Variants in SLC30A8 observed in about 807,000 individuals in gnomAD.
The protein encoded by SLC30A8 is proton-coupled zinc antiporter SLC30A8.
A neutral mutation model predicts 36.9 loss-of-function variants in SLC30A8; 27 were observed. The ratio of observed to expected loss-of-function variants is 0.73; its 90% CI spans 0.54 to 1.01. The LOEUF (loss-of-function observed/expected upper bound fraction) is 1.01, where lower values mean the gene tolerates loss of function less well. Ranked by LOEUF, SLC30A8 falls within the 50% of genes least tolerant of loss-of-function variation. The probability of loss-of-function intolerance (pLI) is 0.00; values close to 1 mark genes in which losing one functional copy is unlikely to be tolerated. For synonymous variants in SLC30A8, 164 were observed against 172.4 expected (o/e 0.95, Z 0.38); for missense variants, 439 against 452.0 (o/e 0.97, Z 0.26).
chr8:117,036,804 A>G (rs1457381524), intron 1 of SLC30A8, among the ~76,000 whole-genome samples: 1 of 152,174 alleles, frequency 6.6e-6, no homozygotes, highest in Non-Finnish European at 1.5e-5. Context: ...CACAGAGCCA[A>G]ACCATATCAC....
At chr8:117,041,229 G>A (rs1817378524) in intron 2 of SLC30A8, among the ~76,000 whole-genome samples, 1 of 152,192 alleles carries the variant, frequency 6.6e-6, no homozygotes, top group Non-Finnish European at 1.5e-5. Context: ...GGCAGCAGAA[G>A]GAATTTTTAG....
At chr8:116,955,541 C>T (rs1814162707) in intron 1 of SLC30A8, among the ~76,000 whole-genome samples, 2 of 151,892 alleles carry the variant, frequency 1.3e-5, no homozygotes, top group African/African-American at 4.8e-5. Flanking sequence ...ACCAGTCTGA[C>T]CAATGGGGTG....
intron 2 of SLC30A8, among the ~76,000 whole-genome samples, chr8:117,104,410 A>T (rs1819879618): frequency 3.9e-5 from 6 of 152,188 alleles, no homozygotes; most frequent in Admixed American, 3.9e-4. Flanking sequence ...TCTAACAAGG[A>T]TCACCTTTCC....
chr8:116,979,389 A>G (rs1478659128), intron 1 of SLC30A8, among the ~76,000 whole-genome samples: 1 of 152,204 alleles, frequency 6.6e-6, no homozygotes, highest in Non-Finnish European at 1.5e-5. Flanking sequence ...GAGAAGGGAT[A>G]GAGACTAAAT....
chr8:117,057,991 A>G (rs1034601526), intron 2 of SLC30A8, among the ~76,000 whole-genome samples: 1 of 152,140 alleles, frequency 6.6e-6, no homozygotes, highest in African/African-American at 2.4e-5. Context: ...GGCTATGCCA[A>G]TCTATGCTCC....
intron 2 of SLC30A8, among the ~76,000 whole-genome samples, chr8:117,112,524 G>A (rs533133334): frequency 3.9e-5 from 6 of 152,220 alleles, no homozygotes; most frequent in Admixed American, 6.5e-5. Flanking sequence ...AGAAAGCCCC[G>A]GCTCTAATTT....
chr8:116,961,724 A>G (rs1369474589), intron 1 of SLC30A8, among the ~76,000 whole-genome samples: 3 of 151,970 alleles, frequency 2.0e-5, no homozygotes, highest in African/African-American at 7.2e-5. Context: ...GGAGGGGAAG[A>G]ATGCTATGTC....
chr8:117,094,477 G>A (rs921965007), intron 2 of SLC30A8, among the ~76,000 whole-genome samples: 2 of 152,200 alleles, frequency 1.3e-5, no homozygotes, highest in African/African-American at 4.8e-5. Context: ...CAGGCAGTGT[G>A]TCCTGATGAG....
At chr8:116,986,127 A>C (rs1311425814) in intron 1 of SLC30A8, among the ~76,000 whole-genome samples, 1 of 152,172 alleles carries the variant, frequency 6.6e-6, no homozygotes, top group Admixed American at 6.6e-5. Context: ...GTGGTTATTG[A>C]ATGAGGGAAG....
At chr8:117,013,581 T>C (rs570364817) in intron 1 of SLC30A8, among the ~76,000 whole-genome samples, 1 of 152,292 alleles carries the variant, frequency 6.6e-6, no homozygotes, top group African/African-American at 2.4e-5. Context: ...CCACAATGTG[T>C]CAGGTATATT....
At chr8:117,144,681 TAAC>T (rs1390345398) in intron 1 of SLC30A8, among the ~76,000 whole-genome samples, 1 of 152,160 alleles carries the variant, frequency 6.6e-6, no homozygotes, top group Non-Finnish European at 1.5e-5. Flanking sequence ...GAGAAAATAT[TAAC>T]AATATTGATA....
intron 2 of SLC30A8, among the ~76,000 whole-genome samples, chr8:117,042,731 A>T (rs1390684987): frequency 4.0e-5 from 6 of 151,352 alleles, no homozygotes; most frequent in Non-Finnish European, 7.4e-5. Context: ...GCTGGAGTGC[A>T]GTGGCATGAT....
intron 2 of SLC30A8, chr8:117,128,580 T>C (rs2130917656): frequency 6.6e-6 from 1 of 152,126 alleles, no homozygotes; most frequent in East Asian, 1.9e-4. Flanking sequence ...GAAGACTTGC[T>C]GCCCACTGTC....
chr8:117,161,618 A>G (rs1822792562), intron 4 of SLC30A8, 120 bp from the exon 5 acceptor site: 5 of 928,084 alleles, frequency 5.4e-6, no homozygotes, highest in Middle Eastern at 2.2e-4. Flanking sequence ...TTTTTAAAGC[A>G]TAAATATTTC....
chr8:117,071,841 A>G (rs1818339596), intron 2 of SLC30A8, among the ~76,000 whole-genome samples: 1 of 152,084 alleles, frequency 6.6e-6, no homozygotes, highest in Non-Finnish European at 1.5e-5. Flanking sequence ...ATTTTAATAA[A>G]CATGCTAGTT....
chr8:116,960,915 A>G (rs1193707606), intron 1 of SLC30A8, among the ~76,000 whole-genome samples: 2 of 152,104 alleles, frequency 1.3e-5, no homozygotes, highest in Non-Finnish European at 2.9e-5. Flanking sequence ...ACTTGCTTTT[A>G]TACCTCTGCT....
chr8:116,974,910 A>G (rs1217496520), intron 1 of SLC30A8, among the ~76,000 whole-genome samples: 1 of 151,762 alleles, frequency 6.6e-6, no homozygotes, highest in Non-Finnish European at 1.5e-5. Flanking sequence ...GCTGGAAACC[A>G]TTATTCTGCA....
chr8:117,033,445 T>C (rs1024491107), intron 1 of SLC30A8, among the ~76,000 whole-genome samples: 5 of 152,218 alleles, frequency 3.3e-5, no homozygotes, highest in Admixed American at 2.0e-4. Flanking sequence ...AGAAAGCAGA[T>C]TGGTGGTTGC....
rs925446005 is a variant in SLC30A8 at position 117,174,459 on chromosome 8, C to T, written c.*1778C>T. 3 of 152,576 alleles carry T rather than the reference C, an allele frequency of 2.0e-5. No homozygotes were observed. Among genetic ancestry groups the T allele is most frequent in the East Asian group, 3.9e-4 (2 of 5,168 alleles). The allele number at this position is 152,576 out of a possible 1,614,324, so 9.5% of individuals were successfully genotyped here. A position where few individuals can be genotyped will look rare whatever the true frequency, so the allele number is the denominator to read the frequency against. ...TAGAGACAAATATACTCATCCCCCA[C>T]CTCAGTGAGCTTGTTTAGGCAACCA... On this transcript the variant is annotated 3_prime_UTR_variant, in exon 8 of 8. Coordinates refer to ENST00000456015, the MANE Select transcript of SLC30A8 (RefSeq NM_173851.3).
Sources: allele counts gnomAD v4.1 joint callset (sites outside exome capture counted in the v4.1 genomes callset), GRCh38; gene constraint gnomAD v4.1.1; transcripts MANE v1.5; gene names NCBI Gene and HGNC (gene_info 2026-07-23, HGNC 2026-07-21).